Variants in CCBE1 observed in about 807,000 individuals in gnomAD.
CCBE1 encodes the protein collagen and calcium binding EGF domains 1.
In CCBE1, 37 loss-of-function variants were observed where a neutral mutation model predicts 50.0. The ratio of observed to expected loss-of-function variants is 0.74; its 90% confidence interval spans 0.57 to 0.97. CCBE1 has a LOEUF of 0.97. Ranked by LOEUF, CCBE1 falls within the 50% of genes least tolerant of loss-of-function variation. The pLI is 0.00. For synonymous variants in CCBE1, 234 were observed against 203.7 expected (o/e 1.15, Z -1.27); for missense variants, 538 against 523.8 (o/e 1.03, Z -0.26).
At chr18:59,581,439 C>CAA (rs10676136) in intron 2 of CCBE1, among the ~76,000 whole-genome samples, 16,933 of 133,044 alleles carry the variant, frequency 0.13, 1,135 homozygotes, top group Middle Eastern at 0.21. Context: ...GACTCCATCT[C>CAA]AAAAAAAAAA....
chr18:59,475,671 T>A (rs55973026), intron 3 of CCBE1, among the ~76,000 whole-genome samples: 3,280 of 152,300 alleles, frequency 0.022, 140 homozygotes, highest in East Asian at 0.2. Context: ...TCACCGCCCA[T>A]GGGACTCTAT....
At chr18:59,685,719 G>C (rs2054645481) in intron 2 of CCBE1, 1 of 152,370 alleles carries the variant, frequency 6.6e-6, no homozygotes, top group African/African-American at 2.4e-5. Context: ...CTCCTCGGAT[G>C]ATTTCTATGC....
chr18:59,514,355 CGCACGTGGCCCTCCCA>C (rs1914269779), intron 2 of CCBE1, among the ~76,000 whole-genome samples: 1 of 151,890 alleles, frequency 6.6e-6, no homozygotes. Context: ...CTCCTCCATC[CGCACGTGGCCCTCCCA>C]GTGAGTCATT....
intron 2 of CCBE1, among the ~76,000 whole-genome samples, chr18:59,679,077 C>A (rs1173290971): frequency 2.0e-5 from 3 of 151,928 alleles, no homozygotes; most frequent in African/African-American, 7.2e-5. Flanking sequence ...AATGCATGAA[C>A]TGCCTTTGAG....
rs199642077 is a variant in CCBE1 at position 59,485,918 on chromosome 18, A to G, written c.213-5680T>C. Among the ~76,000 whole-genome samples the G allele has an allele frequency of 2.7e-5, 4 of 150,372 alleles. No individual in the cohort carries two copies. The South Asian group carries it at 8.4e-4, about 32-fold the overall frequency. On this transcript the variant is annotated intron_variant, in intron 2 of 10. Transcript: ENST00000439986. The stretch of plus-strand genomic sequence containing the variant: ...GCCCGGCCAGATTTTTTTTTTTTTA[A>G]TGAGAGAGAAAACTGCATGTTTGAG...
At chr18:59,619,957 G>A (rs932248154) in intron 2 of CCBE1, among the ~76,000 whole-genome samples, 7 of 152,110 alleles carry the variant, frequency 4.6e-5, no homozygotes, top group South Asian at 4.1e-4. Flanking sequence ...GGGAATTCAC[G>A]GCAGAAAGCT....
chr18:59,657,868 GCAA>G (rs2054211827), intron 2 of CCBE1, among the ~76,000 whole-genome samples: 2 of 148,414 alleles, frequency 1.3e-5, no homozygotes, highest in Non-Finnish European at 2.9e-5. Flanking sequence ...TCCAGCCTGG[GCAA>G]CAACAACAAA....
chr18:59,622,579 G>A (rs2053727058), intron 2 of CCBE1, among the ~76,000 whole-genome samples: 1 of 151,372 alleles, frequency 6.6e-6, no homozygotes. Context: ...GAGGCAGGTA[G>A]ATCACGAGGT....
intron 2 of CCBE1, among the ~76,000 whole-genome samples, chr18:59,524,248 A>G (rs1914724248): frequency 1.3e-5 from 2 of 152,190 alleles, no homozygotes; most frequent in Admixed American, 6.5e-5. Flanking sequence ...TGAACCTAGG[A>G]GGCGAAGTTT....
intron 2 of CCBE1, among the ~76,000 whole-genome samples, chr18:59,564,539 C>T (rs2052789892): frequency 6.6e-6 from 1 of 152,212 alleles, no homozygotes; most frequent in Non-Finnish European, 1.5e-5. Context: ...AAATATATGA[C>T]AATGTCTTCA....
intron 2 of CCBE1, among the ~76,000 whole-genome samples, chr18:59,600,043 T>C (rs561092691): frequency 2.0e-5 from 3 of 152,296 alleles, no homozygotes; most frequent in African/African-American, 4.8e-5. Flanking sequence ...GCCCCTAGTC[T>C]TGCAACTATT....
chr18:59,483,998 A>C (rs1912698258), intron 2 of CCBE1, among the ~76,000 whole-genome samples: 1 of 152,166 alleles, frequency 6.6e-6, no homozygotes, highest in Non-Finnish European at 1.5e-5. Context: ...CCAACCTCTC[A>C]AACTAAATTA....
intron 2 of CCBE1, among the ~76,000 whole-genome samples, chr18:59,616,150 C>A (rs1184307638): frequency 6.6e-6 from 1 of 152,164 alleles, no homozygotes; most frequent in Non-Finnish European, 1.5e-5. Context: ...CCCTCCAGAG[C>A]TGCAGAGTGC....
chr18:59,583,672 TGTGTGTGTGCGCGC>T lies in CCBE1; in HGVS notation c.213-103448_213-103435del, dbSNP rs1458080363. Among the ~76,000 whole-genome samples the T allele has an allele frequency of 3.0e-3, 290 of 95,380 alleles. 1 individual carries two copies. The highest frequency in any genetic ancestry group is 0.011 in the African/African-American group (242 of 22,534). 62.6% of individuals were successfully genotyped at this position (95,380 alleles called of 152,430 possible). ...TGCTTTGCGTGTGTGTGTGTGTGTG[TGTGTGTGTGCGCGC>T]GCGCGCGCGCGCGCGTGTGTGTGTA... On this transcript the variant is annotated intron_variant, in intron 2 of 10. Transcript: ENST00000439986.
At chr18:59,631,669 C>T (rs2053850289) in intron 2 of CCBE1, among the ~76,000 whole-genome samples, 1 of 152,142 alleles carries the variant, frequency 6.6e-6, no homozygotes, top group South Asian at 2.1e-4. Context: ...GCAACTCACT[C>T]CAAAATGCCT....
intron 2 of CCBE1, among the ~76,000 whole-genome samples, chr18:59,501,909 T>G (rs571567031): frequency 2.0e-5 from 3 of 152,232 alleles, no homozygotes; most frequent in East Asian, 3.9e-4. Context: ...TGGACTCCCC[T>G]CACCTCAGCC....
intron 5 of CCBE1, among the ~76,000 whole-genome samples, chr18:59,460,936 A>AAAATAAATAAATAAATAAATAAAT (rs59182848): frequency 1.4e-5 from 2 of 141,164 alleles, no homozygotes; most frequent in Non-Finnish European, 3.0e-5. Context: ...CTCTGTCTCA[A>AAAATAAATAAATAAATAAATAAAT]AAATAAATAA....
At chr18:59,499,294 A>T (rs1913504618) in intron 2 of CCBE1, among the ~76,000 whole-genome samples, 1 of 152,112 alleles carries the variant, frequency 6.6e-6, no homozygotes, top group Non-Finnish European at 1.5e-5. Context: ...TTGTGGTGGG[A>T]GTGACACTTT....
At chr18:59,633,564 T>G (rs1347389469) in intron 2 of CCBE1, among the ~76,000 whole-genome samples, 1 of 152,198 alleles carries the variant, frequency 6.6e-6, no homozygotes, top group Non-Finnish European at 1.5e-5. Flanking sequence ...AGCCGTGTTT[T>G]CAGGCTCCTC....
Sources: gnomAD v4.1 joint callset for allele counts (sites outside exome capture counted in the v4.1 genomes callset) on GRCh38, gnomAD v4.1.1 for gene constraint, MANE v1.5 for transcripts, NCBI Gene and HGNC (gene_info 2026-07-23, HGNC 2026-07-21) for gene names.